The following CSAD variants were observed in gnomAD, a reference collection of about 807,000 sequenced individuals.
CSAD encodes the protein cysteine sulfinic acid decarboxylase.
A neutral mutation model predicts 61.5 loss-of-function variants in CSAD; 47 were observed. The observed-to-expected ratio is 0.76, with a 90% CI of 0.60 to 0.97. The LOEUF is 0.97. CSAD is among the 50% of genes least tolerant of loss of function. CSAD has a pLI of 0.00. For missense variants in CSAD, 611 were observed against 643.6 expected, an observed-to-expected ratio of 0.95 and a Z score of 0.55; for synonymous variants, 245 against 252.7, an observed-to-expected ratio of 0.97 and a Z score of 0.29.
intron 2 of CSAD, among the ~76,000 whole-genome samples, chr12:53,177,728 TC>T (rs1332601882): frequency 6.6e-6 from 1 of 152,114 alleles, no homozygotes; most frequent in Non-Finnish European, 1.5e-5. Context: ...AACCCCCGCC[TC>T]CCGGGTTCAA....
At chr12:53,181,155 G>C (rs1941606955), upstream of CSAD, 1 of 984,728 alleles carries the variant, frequency 1.0e-6, no homozygotes, top group Non-Finnish European at 1.2e-6. Flanking sequence ...TGGCTGGCCG[G>C]AGCGAGGCGG....
chr12:53,168,328 C>T (rs1431172517), intron 10 of CSAD, among the ~76,000 whole-genome samples: 1 of 152,074 alleles, frequency 6.6e-6, no homozygotes, highest in African/African-American at 2.4e-5. Context: ...TATGCTAAAC[C>T]ACTAAATAGT....
chr12:53,165,174 C>CA (rs1939752819), intron 10 of CSAD, among the ~76,000 whole-genome samples: 1 of 151,816 alleles, frequency 6.6e-6, no homozygotes, highest in South Asian at 2.1e-4. Flanking sequence ...GTGTCTCTAC[C>CA]AAAAATAATT....
chr12:53,173,093 A>G (rs545086328), intron 4 of CSAD, among the ~76,000 whole-genome samples: 1 of 152,312 alleles, frequency 6.6e-6, no homozygotes, highest in South Asian at 2.1e-4. Context: ...CTGTAATCCC[A>G]GCTACTCGGG....
At chr12:53,180,522 G>A in intron 1 of CSAD, 9 of 1,273,340 alleles carry the variant, frequency 7.1e-6, no homozygotes, top group Non-Finnish European at 6.1e-6. Context: ...GCCGGCCTCA[G>A]CGCTCCCTCC....
chr12:53,173,163 G>T, intron 4 of CSAD, 182 bp downstream of exon 4: 2 of 585,404 alleles, frequency 3.4e-6, no homozygotes, highest in Non-Finnish European at 5.9e-6. Context: ...AGCCAAGATT[G>T]TGCCACTGCA....
At chr12:53,170,558 G>T in intron 8 of CSAD, 56 bp from the exon 9 acceptor site, 1 of 1,390,970 alleles carries the variant, frequency 7.2e-7, no homozygotes, top group East Asian at 2.3e-5. Flanking sequence ...GGGGAGAGAA[G>T]GTAAAAGTCA....
At position 53,158,470 on chromosome 12, in the gene CSAD, G is replaced by T; in HGVS notation, c.*41C>A. 6.3e-7 allele frequency: 1 copy of T among 1,593,278 alleles called. No homozygotes were observed. The highest frequency in any genetic ancestry group is 8.6e-7 in the Non-Finnish European group (1 of 1,164,824). ...GGGAGGGAATGCAGTGACTCTGCGG[G>T]TGAGGGGTGGTATCAAGGCCGGCAG... is the stretch of plus-strand genomic sequence containing the variant. On this transcript the variant is annotated 3_prime_UTR_variant, in exon 17 of 17. Coordinates refer to ENST00000444623, the MANE Select transcript of CSAD (RefSeq NM_001244705.2).
Position 53,170,521 on chromosome 12 carries a change from G to C in CSAD, c.568-19C>G. 1.2e-6 allele frequency: 2 copies of C among 1,606,232 alleles called. No homozygotes were observed. The highest frequency in any genetic ancestry group is 1.7e-6 in the Non-Finnish European group (2 of 1,172,846). On this transcript the variant is annotated intron_variant, in intron 8 of 16. Transcript: ENST00000444623. ...AGTGACACTGTGGGGGAAGGCAGAG[G>C]GCAAGTTAGCACAACTTGATGGGGG...
chr12:53,163,436 T>A (rs1272773839), intron 10 of CSAD, among the ~76,000 whole-genome samples: 1 of 152,032 alleles, frequency 6.6e-6, no homozygotes, highest in African/African-American at 2.4e-5. Flanking sequence ...ATGAATTCCA[T>A]CAAACATTTA....
Position 53,171,419 on chromosome 12 carries a change from A to T in CSAD, c.474T>A (p.Tyr158Ter). 6.2e-7 allele frequency: 1 copy of T among 1,613,852 alleles called. No individual in the cohort carries two copies. Among genetic ancestry groups the T allele is most frequent in the East Asian group, 2.2e-5 (1 of 44,890 alleles). The change falls in exon 8 of 17, where the codon TAT (tyrosine) becomes TAA (stop). Residue 158 changes from tyrosine to a stop codon, truncating the protein, a stop_gained. Transcript: ENST00000444623. LOFTEE classifies it high-confidence loss of function. ...FCPGGSISNM[Y>*]AVNLARYQRY... ...GCTGATAGCGGGCCAGATTTACAGC[A>T]TACATGTTGGAGATGGAGCCACCTG... is the stretch of plus-strand genomic sequence containing the variant.
intron 10 of CSAD, among the ~76,000 whole-genome samples, chr12:53,165,296 G>A (rs545589011): frequency 6.6e-6 from 1 of 151,830 alleles, no homozygotes; most frequent in African/African-American, 2.4e-5. Flanking sequence ...AACCATGATC[G>A]CACCACTGCA....
At position 53,158,646 on chromosome 12, in the gene CSAD, G is replaced by A; in HGVS notation, c.1347C>T (p.Gly449=). Reference sequence around the variant, plus strand: ...GGGGCTGGTAGCCAATCATCATGGAGCCCTCCTTCACCATGCGCTCCTTGA... The same window carrying A: ...GGGGCTGGTAGCCAATCATCATGGAACCCTCCTTCACCATGCGCTCCTTGA... The part of the protein sequence containing the change: ...PVLKERMVKE[G]SMMIGYQPHG... Residue 449 remains glycine, a synonymous_variant, in exon 17 of 17, where the codon GGC becomes GGT. Coordinates refer to ENST00000444623, the MANE Select transcript of CSAD (RefSeq NM_001244705.2). 2 of 1,614,174 alleles carry A rather than the reference G, an allele frequency of 1.2e-6. No homozygotes were observed. Among genetic ancestry groups the A allele is most frequent in the Non-Finnish European group, 1.7e-6 (2 of 1,180,028 alleles).
At position 53,173,747 on chromosome 12, in the gene CSAD, G is replaced by A. The variant is rs149998447; in HGVS notation, c.-26C>T. 48 of 1,612,624 alleles carry A rather than the reference G, an allele frequency of 3.0e-5. No homozygotes were observed. Among genetic ancestry groups the A allele is most frequent in the Admixed American group, 1.5e-4 (9 of 59,962 alleles). On this transcript the variant is annotated 5_prime_UTR_variant, in exon 3 of 17. Transcript: ENST00000444623. ...GCTTACCTCTCTGCTCAGGAGAGCCGGAGGCAGGGTGCACAGGTAGCTCCT... is the reference window on the plus strand; with the variant it reads ...GCTTACCTCTCTGCTCAGGAGAGCCAGAGGCAGGGTGCACAGGTAGCTCCT...
upstream of CSAD, chr12:53,180,982 G>A (rs1941580565): frequency 1.5e-6 from 1 of 653,884 alleles, no homozygotes; most frequent in Non-Finnish European, 2.0e-6. Flanking sequence ...CCGGGGGAGG[G>A]AGGGGAAAGG....
At chr12:53,165,346 AAAAAC>A (rs1212776655) in intron 10 of CSAD, among the ~76,000 whole-genome samples, 1 of 150,958 alleles carries the variant, frequency 6.6e-6, no homozygotes, top group Admixed American at 6.6e-5. Flanking sequence ...CTCTCAAAAA[AAAAAC>A]AAAACAAAAC....
rs373814731 is a variant in CSAD at position 53,160,808 on chromosome 12, G to C, written c.921C>G (p.Leu307=). Residue 307 remains leucine (L), a synonymous_variant, in exon 13 of 17, where the codon CTC becomes CTG. Coordinates refer to ENST00000444623, the MANE Select transcript of CSAD (RefSeq NM_001244705.2). ...DSVAWNPHKL[L]AAGLQCSALL... ...GTGCAGAGCATTGCAGGCCTGCTGC[G>C]AGGAGCTTGTGGGGATTCCAGGCCA... 3.2e-6 allele frequency: 5 copies of C among 1,551,894 alleles called. No homozygotes were observed. Among genetic ancestry groups the C allele is most frequent in the Non-Finnish European group, 4.4e-6 (5 of 1,147,034 alleles).
At chr12:53,180,927 G>T, upstream of CSAD, 17 of 1,049,884 alleles carry the variant, frequency 1.6e-5, no homozygotes, top group Non-Finnish European at 2.0e-5. Flanking sequence ...CGCGGGAAGG[G>T]GGAGGGGAGG....
chr12:53,164,659 C>T (rs1324834818), intron 10 of CSAD: 1 of 152,110 alleles, frequency 6.6e-6, no homozygotes, highest in Non-Finnish European at 1.5e-5. Context: ...TTCAATCGTG[C>T]CCCAAACCTC....
Sources: allele counts gnomAD v4.1 joint callset (sites outside exome capture counted in the v4.1 genomes callset), GRCh38; gene constraint gnomAD v4.1.1; transcripts MANE v1.5; gene names NCBI Gene and HGNC (gene_info 2026-07-23, HGNC 2026-07-21).